The following BACH2 variants were observed in gnomAD, a reference collection of about 807,000 sequenced individuals.
BACH2 encodes BACH transcriptional regulator 2.
In BACH2, 5 loss-of-function variants were observed where a neutral mutation model predicts 61.8. The observed-to-expected ratio is 0.08, with a 90% CI of 0.04 to 0.17. The LOEUF (loss-of-function observed/expected upper bound fraction) is 0.17. Among genes scored for constraint, BACH2 ranks in the 10% least tolerant of loss-of-function variants. The pLI is 1.00. For missense variants in BACH2, 824 were observed against 1,091.1 expected (o/e 0.76, Z 3.45); for synonymous variants, 446 against 440.1 (o/e 1.01, Z -0.17).
chr6:90,032,311 C>A (rs80076816), intron 5 of BACH2, among the ~76,000 whole-genome samples: 13,636 of 144,194 alleles, frequency 0.095, 895 homozygotes, highest in Non-Finnish European at 0.13. Flanking sequence ...TACTTCATGT[C>A]TAAAACACCA....
chr6:90,126,060 C>T (rs767643513), intron 4 of BACH2, among the ~76,000 whole-genome samples: 4 of 152,142 alleles, frequency 2.6e-5, no homozygotes, highest in African/African-American at 4.8e-5. Flanking sequence ...CTCCACTTTG[C>T]GATCTGTGGG....
intron 5 of BACH2, among the ~76,000 whole-genome samples, chr6:90,013,118 C>A (rs926394469): frequency 6.6e-6 from 1 of 151,972 alleles, no homozygotes; most frequent in South Asian, 2.1e-4. Flanking sequence ...GTATTTTGAT[C>A]TTGTATCTGG....
At chr6:90,180,100 G>C (rs1768107570) in intron 4 of BACH2, among the ~76,000 whole-genome samples, 2 of 152,108 alleles carry the variant, frequency 1.3e-5, no homozygotes, top group Admixed American at 6.5e-5. Context: ...AAAAGTCTTA[G>C]TGCATTTTAA....
chr6:90,231,370 C>T (rs1770090670), intron 3 of BACH2, among the ~76,000 whole-genome samples: 1 of 152,108 alleles, frequency 6.6e-6, no homozygotes, highest in Non-Finnish European at 1.5e-5. Context: ...CTAGGTTCTG[C>T]GGGAATTTAA....
At chr6:90,192,364 G>A (rs899594384) in intron 4 of BACH2, among the ~76,000 whole-genome samples, 1 of 150,940 alleles carries the variant, frequency 6.6e-6, no homozygotes. Context: ...ATTTTTAGCA[G>A]TTCTAAATGT....
intron 2 of BACH2, among the ~76,000 whole-genome samples, chr6:90,253,888 C>T (rs1434512163): frequency 7.1e-6 from 1 of 141,304 alleles, no homozygotes; most frequent in Non-Finnish European, 1.6e-5. Flanking sequence ...AACATCATTG[C>T]CGAACTATTT....
intron 4 of BACH2, among the ~76,000 whole-genome samples, chr6:90,189,045 CAG>C (rs775058455): frequency 6.6e-6 from 1 of 152,048 alleles, no homozygotes; most frequent in Non-Finnish European, 1.5e-5. Context: ...TAAACAGAAA[CAG>C]AGAGAGTAAA....
intron 4 of BACH2, among the ~76,000 whole-genome samples, chr6:90,109,993 T>C (rs1562450561): frequency 1.3e-5 from 2 of 152,234 alleles, no homozygotes; most frequent in African/African-American, 4.8e-5. Context: ...ACAAATCACA[T>C]ATTTTATGAA....
At chr6:90,044,838 G>A (rs1044705097) in intron 5 of BACH2, among the ~76,000 whole-genome samples, 2 of 152,198 alleles carry the variant, frequency 1.3e-5, no homozygotes, top group Non-Finnish European at 1.5e-5. Context: ...AAACCCCAGA[G>A]GAGGATCAGG....
chr6:89,956,127 A>G (rs544928492), intron 6 of BACH2, among the ~76,000 whole-genome samples: 50 of 152,312 alleles, frequency 3.3e-4, no homozygotes, highest in Middle Eastern at 3.4e-3. Context: ...ACAACTTGGG[A>G]TAACAGTCTT....
intron 4 of BACH2, among the ~76,000 whole-genome samples, chr6:90,165,643 C>G (rs549785660): frequency 0.014 from 2,052 of 150,644 alleles, 48 homozygotes; most frequent in African/African-American, 0.045. Flanking sequence ...CATCACACTA[C>G]CTGACTTCAA....
At chr6:89,961,636 G>T (rs1324142634) in intron 6 of BACH2, among the ~76,000 whole-genome samples, 1 of 152,228 alleles carries the variant, frequency 6.6e-6, no homozygotes, top group Non-Finnish European at 1.5e-5. Context: ...CCAGTGATGA[G>T]AAGTTTGGCC....
chr6:90,263,785 C>A (rs1261699965), intron 2 of BACH2, among the ~76,000 whole-genome samples: 1 of 152,190 alleles, frequency 6.6e-6, no homozygotes, highest in Non-Finnish European at 1.5e-5. Flanking sequence ...CATGTTTACA[C>A]TAACTGCCCA....
Position 89,932,655 on chromosome 6 carries a change from C to A in BACH2, c.2279G>T (p.Cys760Phe). Residue 760 changes from cysteine to phenylalanine, a missense_variant, in exon 9 of 9, where the codon TGC (cysteine) becomes TTC (phenylalanine). This residue lies in a region of BACH2 where 135 missense variants were observed against 142.7 expected (regional missense o/e 0.95). Transcript: ENST00000257749. ...GAEQNIAASQ[C>F]AVGENVPCCL... ...GCAGGGCACGTTTTCCCCCACTGCG[C>A]ATTGGGAGGCCGCAATGTTCTGCTC... 1 of 1,614,158 alleles carries A rather than the reference C, an allele frequency of 6.2e-7. No homozygotes were observed. Among genetic ancestry groups the A allele is most frequent in the East Asian group, 2.2e-5 (1 of 44,864 alleles).
intron 6 of BACH2, among the ~76,000 whole-genome samples, chr6:89,974,102 T>G (rs1362990567): frequency 1.3e-5 from 2 of 152,180 alleles, no homozygotes; most frequent in East Asian, 3.9e-4. Context: ...ACCCTGGACC[T>G]GTTTCCCACC....
intron 1 of BACH2, among the ~76,000 whole-genome samples, chr6:90,288,865 C>CA (rs1772099958): frequency 6.6e-6 from 1 of 151,996 alleles, no homozygotes; most frequent in Non-Finnish European, 1.5e-5. Context: ...AAACAAAAAA[C>CA]AAAAAACAAA....
intron 6 of BACH2, among the ~76,000 whole-genome samples, chr6:90,004,380 T>C (rs1777293721): frequency 6.6e-6 from 1 of 152,148 alleles, no homozygotes; most frequent in Admixed American, 6.5e-5. Context: ...ACATAAGGTC[T>C]ACCTGCAGGG....
intron 3 of BACH2, among the ~76,000 whole-genome samples, chr6:90,207,776 GT>G (rs1300157317): frequency 6.6e-6 from 1 of 152,098 alleles, no homozygotes; most frequent in African/African-American, 2.4e-5. Context: ...ACCATCTTTA[GT>G]TCTTAGTAAT....
intron 6 of BACH2, among the ~76,000 whole-genome samples, chr6:89,998,821 A>C (rs1420331359): frequency 6.6e-6 from 1 of 152,144 alleles, no homozygotes; most frequent in African/African-American, 2.4e-5. Context: ...TCTCACCATA[A>C]GAAGGGCCTC....
Sources: allele counts gnomAD v4.1 joint callset (sites outside exome capture counted in the v4.1 genomes callset), GRCh38; gene constraint gnomAD v4.1.1; regional missense constraint gnomAD v4.1.1; transcripts MANE v1.5; gene names NCBI Gene and HGNC (gene_info 2026-07-23, HGNC 2026-07-21).